The following DMD variants were observed in gnomAD, a reference collection of about 807,000 sequenced individuals.
DMD encodes mutant dystrophin.
Under a neutral mutation model 330.1 loss-of-function variants are expected in DMD, and 63 were observed. The observed-to-expected ratio is 0.19, with a 90% CI of 0.16 to 0.24. The LOEUF (loss-of-function observed/expected upper bound fraction) is 0.24, where lower values mean the gene tolerates loss of function less well. Among genes scored for constraint, DMD ranks in the 10% least tolerant of loss-of-function variants. The pLI, the probability that DMD is intolerant of heterozygous loss-of-function variation, is 1.00. For synonymous variants in DMD, 1,223 were observed against 959.8 expected (o/e 1.27, Z -5.07); for missense variants, 3,344 against 2,684.1 (o/e 1.25, Z -5.43).
intron 44 of DMD, chrX:32,035,459 G>A (rs2095935442): frequency 4.6e-6 from 1 of 216,658 alleles, no homozygotes. Flanking sequence ...GTTAGATATG[G>A]TGCTAGGTCC....
At chrX:31,136,547 T>C (rs1466876729) in intron 76 of DMD, among the ~76,000 whole-genome samples, 1 of 111,873 alleles carries the variant, frequency 8.9e-6, no homozygotes, top group Non-Finnish European at 1.9e-5. Context: ...TCAGTGACAG[T>C]ATGCCTCACT....
At chrX:31,626,196 G>A (rs1303866819) in intron 55 of DMD, among the ~76,000 whole-genome samples, 3 of 89,663 alleles carry the variant, frequency 3.3e-5, no homozygotes, top group Non-Finnish European at 6.6e-5. Flanking sequence ...TGTTGGCCAG[G>A]CTGGTCTCGA....
intron 59 of DMD, among the ~76,000 whole-genome samples, chrX:31,454,317 T>G (rs1315722611): frequency 1.8e-5 from 2 of 111,514 alleles, no homozygotes; most frequent in Non-Finnish European, 3.8e-5. Context: ...AATTTTTCTA[T>G]TTTTACTAGA....
chrX:31,472,314 T>C (rs868445991), intron 59 of DMD, among the ~76,000 whole-genome samples: 1 of 112,232 alleles, frequency 8.9e-6, no homozygotes, highest in Non-Finnish European at 1.9e-5. Flanking sequence ...TAAGAAAAGA[T>C]AAGTTTTCCT....
intron 44 of DMD, among the ~76,000 whole-genome samples, chrX:32,042,278 A>C: frequency 9.2e-6 from 1 of 108,372 alleles, no homozygotes; most frequent in South Asian, 4.0e-4. Context: ...AAAGGGATTT[A>C]ATTGACTCAT....
intron 55 of DMD, among the ~76,000 whole-genome samples, chrX:31,610,132 TCTC>T (rs928898121): frequency 9.1e-6 from 1 of 110,227 alleles, no homozygotes; most frequent in Non-Finnish European, 1.9e-5. Context: ...ACACTTCTCT[TCTC>T]CTCTCTCTGT....
chrX:32,494,862 A>T (rs1463745283), intron 19 of DMD, among the ~76,000 whole-genome samples: 1 of 111,433 alleles, frequency 9.0e-6, no homozygotes, highest in Non-Finnish European at 1.9e-5. Flanking sequence ...TACATTTTTT[A>T]AAGAAGTTTT....
chrX:31,408,006 G>A (rs996685981), intron 60 of DMD, among the ~76,000 whole-genome samples: 17 of 111,617 alleles, frequency 1.5e-4, no homozygotes, highest in Non-Finnish European at 2.3e-4. Context: ...ACAAACAAAC[G>A]CAAAGTGGTC....
chrX:33,034,395 T>G (rs2094170960), intron 1 of DMD, among the ~76,000 whole-genome samples: 1 of 111,601 alleles, frequency 9.0e-6, no homozygotes, highest in Non-Finnish European at 1.9e-5. Context: ...CTATCTGGGT[T>G]CGAAAGGTAG....
intron 12 of DMD, among the ~76,000 whole-genome samples, chrX:32,611,191 C>T (rs771113987): frequency 6.5e-4 from 54 of 83,659 alleles, no homozygotes; most frequent in Non-Finnish European, 9.6e-4. Flanking sequence ...ATGAATCTTT[C>T]CCTTAATTTT....
chrX:31,218,391 G>A (rs1214339982), intron 64 of DMD, among the ~76,000 whole-genome samples: 2 of 110,340 alleles, frequency 1.8e-5, no homozygotes, highest in Non-Finnish European at 3.8e-5. Flanking sequence ...AGGGGCAGGT[G>A]AAGAAAAAGA....
At chrX:32,569,638 C>T (rs1466685506) in intron 15 of DMD, among the ~76,000 whole-genome samples, 1 of 111,556 alleles carries the variant, frequency 9.0e-6, no homozygotes, top group Non-Finnish European at 1.9e-5. Context: ...TATTTGAGGG[C>T]CATCCCAGGA....
At chrX:32,171,968 C>T (rs187453758) in intron 44 of DMD, among the ~76,000 whole-genome samples, 104 of 111,593 alleles carry the variant, frequency 9.3e-4, no homozygotes, top group Non-Finnish European at 1.7e-3. Flanking sequence ...AAACATTCTT[C>T]TCTATTAAGA....
intron 44 of DMD, among the ~76,000 whole-genome samples, chrX:32,089,383 G>A (rs756271095): frequency 1.8e-5 from 2 of 111,436 alleles, no homozygotes; most frequent in African/African-American, 3.3e-5. Flanking sequence ...ATTTTCTCAC[G>A]CAGGTACTAA....
intron 44 of DMD, among the ~76,000 whole-genome samples, chrX:32,187,757 C>G (rs1171992798): frequency 9.0e-6 from 1 of 110,674 alleles, no homozygotes; most frequent in African/African-American, 3.3e-5. Flanking sequence ...TTTTTTAAAC[C>G]AAAACCAGAA....
At chrX:33,245,313 C>T (rs1207770162) in intron 1 of DMD, among the ~76,000 whole-genome samples, 1 of 109,802 alleles carries the variant, frequency 9.1e-6, no homozygotes, top group Non-Finnish European at 1.9e-5. Context: ...AATCACTACC[C>T]GAAATATCAT....
At chrX:32,983,482 C>T (rs1478244195) in intron 2 of DMD, among the ~76,000 whole-genome samples, 1 of 105,504 alleles carries the variant, frequency 9.5e-6, no homozygotes, top group Admixed American at 1.1e-4. Context: ...AGGTGATATC[C>T]AATTCCCCTA....
At chrX:32,773,465 G>A (rs2073832011) in intron 7 of DMD, among the ~76,000 whole-genome samples, 1 of 108,927 alleles carries the variant, frequency 9.2e-6, no homozygotes, top group Admixed American at 9.9e-5. Flanking sequence ...ATCACTCTAG[G>A]GTGCTACCAA....
chrX:31,687,067 C>A (rs750899934), intron 52 of DMD, among the ~76,000 whole-genome samples: 3 of 111,066 alleles, frequency 2.7e-5, no homozygotes, highest in Non-Finnish European at 5.7e-5. Context: ...ACACCCTGGG[C>A]CAAAAGGGAA....
Sources: allele counts gnomAD v4.1 joint callset (sites outside exome capture counted in the v4.1 genomes callset), GRCh38; gene constraint gnomAD v4.1.1; transcripts MANE v1.5; gene names NCBI Gene and HGNC (gene_info 2026-07-23, HGNC 2026-07-21).